The following CCDC188 variants were observed in gnomAD, a reference collection of about 807,000 sequenced individuals.
CCDC188 encodes coiled-coil domain containing 188, also known as coiled-coil domain-containing protein 188.
In CCDC188, 37 loss-of-function variants were observed where a neutral mutation model predicts 50.7. The ratio of observed to expected loss-of-function variants is 0.73; its 90% CI spans 0.56 to 0.96. The LOEUF (loss-of-function observed/expected upper bound fraction) is 0.96, where lower values mean the gene tolerates loss of function less well. Among genes scored for constraint, CCDC188 ranks in the 40% least tolerant of loss-of-function variants. The pLI is 0.00. For missense variants in CCDC188, 453 were observed against 512.9 expected (o/e 0.88, Z 1.13); for synonymous variants, 208 against 228.0 (o/e 0.91, Z 0.79).
At chr22:20,148,958 G>A (rs1219672603) in intron 7 of CCDC188, 34 bp from the exon 8 acceptor site, 6 of 1,460,098 alleles carry the variant, frequency 4.1e-6, no homozygotes, top group African/African-American at 1.4e-5. Context: ...AGCCCACCCC[G>A]AGTGTCCAGG....
chr22:20,149,127 A>T, intron 7 of CCDC188, 60 bp downstream of exon 7: 2 of 1,367,712 alleles, frequency 1.5e-6, no homozygotes, highest in Non-Finnish European at 1.9e-6. Context: ...CCTCTCGCCC[A>T]AGCAGGGCCC....
In CCDC188 at chr22:20,150,528, G is replaced by A. The variant is rs917522402; in HGVS notation, c.459C>T (p.Cys153=). 1.4e-5 allele frequency: 21 copies of A among 1,549,220 alleles called. No homozygotes were observed. The highest frequency in any genetic ancestry group is 4.1e-5 in the African/African-American group (3 of 72,978). Residue 153 remains cysteine, a synonymous_variant, in exon 1 of 9, where the codon TGC becomes TGT. Transcript: ENST00000439765. ...ACTGTTCTGCAGAGCCCAGCAGCCC[G>A]CACTGAAGCTGGGACAGGGCTACCC... The part of the protein sequence containing the change: ...SPRVALSQLQ[C]GLLGSAEQSF...
chr22:20,148,548 G>T lies in CCDC188; in HGVS notation c.*66C>A. 6.9e-7 allele frequency: 1 copy of T among 1,459,688 alleles called. No individual in the cohort carries two copies. Among genetic ancestry groups the T allele is most frequent in the Non-Finnish European group, 9.0e-7 (1 of 1,106,560 alleles). 90.4% of individuals were successfully genotyped at this position (1,459,688 alleles called of 1,614,324 possible). On this transcript the variant is annotated 3_prime_UTR_variant, in exon 9 of 9. Coordinates refer to ENST00000439765, the MANE Select transcript of CCDC188 (RefSeq NM_001365892.2). The stretch of plus-strand genomic sequence containing the variant: ...GGTGCCATGTGCAGGGGGCTGGCAC[G>T]GCCACTGGGCATCCGGGGCAGTGCT...
In CCDC188 at chr22:20,151,016, G is replaced by A. The variant is rs1013995778; in HGVS notation, c.-30C>T. 25 of 1,358,146 alleles carry A rather than the reference G, an allele frequency of 1.8e-5. No homozygotes were observed. In the African/African-American group the frequency reaches 3.7e-4, roughly 20 times the overall value. The allele number at this position is 1,358,146 out of a possible 1,614,324, so 84.1% of individuals were successfully genotyped here. A position where few individuals can be genotyped will look rare whatever the true frequency, so the allele number is the denominator to read the frequency against. The stretch of plus-strand genomic sequence containing the variant: ...CCCTGCAACCCCTTCCTGATCCCAG[G>A]TCCAGGCTCTGGCCTGGCCCAACCT... On this transcript the variant is annotated 5_prime_UTR_variant, in exon 1 of 9. Transcript: ENST00000439765.
chr22:20,148,835 G>A (rs886323681), intron 8 of CCDC188, 35 bp from the exon 9 acceptor site: 16 of 1,459,156 alleles, frequency 1.1e-5, no homozygotes, highest in East Asian at 5.1e-5. Flanking sequence ...AGGGGCGCGC[G>A]GGGGGCCTGG....
At chr22:20,149,139 G>C (rs2050569843) in intron 7 of CCDC188, 48 bp downstream of exon 7, 1 of 1,387,030 alleles carries the variant, frequency 7.2e-7, no homozygotes, top group Non-Finnish European at 9.6e-7. Context: ...GCAGGGCCCT[G>C]GGTGGGGGGC....
rs1602584296 is a variant in CCDC188 at position 20,149,658 on chromosome 22, C to A, written c.790-18G>T. The A allele has an allele frequency of 6.5e-7, 1 of 1,549,482 alleles. No individual in the cohort carries two copies. The highest frequency in any genetic ancestry group is 2.4e-5 in the East Asian group (1 of 40,904). On this transcript the variant is annotated intron_variant, in intron 4 of 8. Coordinates refer to ENST00000439765, the MANE Select transcript of CCDC188 (RefSeq NM_001365892.2). ...TCCCACACCTAGGGGGAGGTGGGGT[C>A]ACGCCTGAGGAGCAGGACCCACTGG...
rs1315250171 is a variant in CCDC188 at position 20,150,855 on chromosome 22, GC to G, written c.131del (p.Gly44AlafsTer103). On this transcript the variant is annotated frameshift_variant, in exon 1 of 9. Transcript: ENST00000439765. LOFTEE classifies it high-confidence loss of function. ...GCACTGAGTGAGCAGAGGAGATGGG[GC>G]CCAGGCAGGGCCACCCTACAAATCC... ...CQGFVGWPCLGPISSAHSVQS... is the reference protein window; with the variant it reads ...CQGFVGWPCLXPISSAHSVQS... The G allele has an allele frequency of 1.3e-6, 2 of 1,518,502 alleles. No homozygotes were observed. The highest frequency in any genetic ancestry group is 1.8e-6 in the Non-Finnish European group (2 of 1,125,030). 94.1% of individuals were successfully genotyped at this position (1,518,502 alleles called of 1,614,324 possible).
rs1307113467 is a variant in CCDC188 at position 20,148,942 on chromosome 22, G to T, written c.973-18C>A. On this transcript the variant is annotated intron_variant, in intron 7 of 8. Transcript: ENST00000439765. Reference sequence around the variant, plus strand: ...CTCCCTTTCTGTCGGGGAGGGGCTGGATCAGAGCCCACCCCGAGTGTCCAG... The same window carrying T: ...CTCCCTTTCTGTCGGGGAGGGGCTGTATCAGAGCCCACCCCGAGTGTCCAG... 1 of 1,483,000 alleles carries T rather than the reference G, an allele frequency of 6.7e-7. No individual in the cohort carries two copies. Among genetic ancestry groups the T allele is most frequent in the Non-Finnish European group, 9.0e-7 (1 of 1,115,464 alleles). 91.9% of individuals were successfully genotyped at this position (1,483,000 alleles called of 1,614,324 possible).
chr22:20,150,525 C>T lies in CCDC188; in HGVS notation c.462G>A (p.Gly154=). 4 of 1,549,360 alleles carry T rather than the reference C, an allele frequency of 2.6e-6. No individual in the cohort carries two copies. The highest frequency in any genetic ancestry group is 3.5e-6 in the Non-Finnish European group (4 of 1,146,622). The change falls in exon 1 of 9, where the codon GGG becomes GGA. Residue 154 remains glycine, a synonymous_variant. Coordinates refer to ENST00000439765, the MANE Select transcript of CCDC188 (RefSeq NM_001365892.2). ...AGGACTGTTCTGCAGAGCCCAGCAG[C>T]CCGCACTGAAGCTGGGACAGGGCTA... is the stretch of plus-strand genomic sequence containing the variant. ...PRVALSQLQC[G]LLGSAEQSFL... is the part of the protein sequence containing the mutation.
intron 1 of CCDC188, 48 bp downstream of exon 1, chr22:20,150,420 G>T: frequency 8.3e-7 from 1 of 1,200,946 alleles, no homozygotes; most frequent in Non-Finnish European, 1.1e-6. Flanking sequence ...GGTACCAGGC[G>T]GTGGGTGGGG....
intron 6 of CCDC188, 49 bp downstream of exon 6, chr22:20,149,363 C>T (rs1367126234): frequency 2.6e-6 from 4 of 1,548,946 alleles, no homozygotes; most frequent in Non-Finnish European, 3.5e-6. Flanking sequence ...CTGACCAGGA[C>T]ACCTTCTGAG....
rs921951229 is a variant in CCDC188 at position 20,150,876 on chromosome 22, A to C, written c.111T>G (p.Phe37Leu). 2.2e-5 allele frequency: 33 copies of C among 1,497,914 alleles called. No homozygotes were observed. The highest frequency in any genetic ancestry group is 3.0e-5 in the Non-Finnish European group (33 of 1,114,100). The allele number at this position is 1,497,914 out of a possible 1,614,324, so 92.8% of individuals were successfully genotyped here. The change falls in exon 1 of 9, where the codon TTT (phenylalanine) becomes TTG (leucine). Residue 37 changes from phenylalanine (F) to leucine (L), a missense_variant. Phe to Leu is a conservative substitution (Grantham distance 22). Transcript: ENST00000439765. ...GGGLDQPCQGFVGWPCLGPIS... is the reference protein window; with the variant it reads ...GGGLDQPCQGLVGWPCLGPIS... ...TGGGGCCCAGGCAGGGCCACCCTAC[A>C]AATCCCTGGCAGGGCTGGTCCAGGC...
Position 20,149,605 on chromosome 22 carries a change from C to G in CCDC188, c.825G>C (p.Leu275=), listed in dbSNP as rs2050582739. Residue 275 remains leucine (L), a synonymous_variant, in exon 5 of 9, where the codon CTG becomes CTC. Coordinates refer to ENST00000439765, the MANE Select transcript of CCDC188 (RefSeq NM_001365892.2). ...WDNVAEMHMA[L]NNQATGLLNL... The stretch of plus-strand genomic sequence containing the variant: ...CCAGGAGCCCGGTGGCCTGGTTGTT[C>G]AGGGCCATGTGCATCTCAGCCACGT... 5.2e-6 allele frequency: 8 copies of G among 1,550,202 alleles called. No homozygotes were observed. Among genetic ancestry groups the G allele is most frequent in the Non-Finnish European group, 6.1e-6 (7 of 1,146,904 alleles).
chr22:20,148,738 A>G lies in CCDC188; in HGVS notation c.1085T>C (p.Val362Ala). The G allele has an allele frequency of 6.6e-7, 1 of 1,514,068 alleles. No individual in the cohort carries two copies. Among genetic ancestry groups the G allele is most frequent in the South Asian group, 1.2e-5 (1 of 80,022 alleles). The allele number at this position is 1,514,068 out of a possible 1,614,324, so 93.8% of individuals were successfully genotyped here. A position where few individuals can be genotyped will look rare whatever the true frequency, so the allele number is the denominator to read the frequency against. The stretch of plus-strand genomic sequence containing the variant: ...CCCCTCGAAAGGTGTGGGGTTCACC[A>G]CGTACACGTAGGCAGCGGTCCAGAC... ...LLVWTAAYVY[V>A]VNPTPFEGLV... Residue 362 changes from valine to alanine, a missense_variant, in exon 9 of 9, where the codon GTG (valine) becomes GCG (alanine). By Grantham distance (64) the Val-to-Ala change is moderately conservative. Coordinates refer to ENST00000439765, the MANE Select transcript of CCDC188 (RefSeq NM_001365892.2).
Position 20,150,629 on chromosome 22 carries a change from C to T in CCDC188, c.358G>A (p.Gly120Arg), listed in dbSNP as rs2050609783. ...GSNQGAPRQGGSIGSGTRPCP... is the reference protein window; with the variant it reads ...GSNQGAPRQGRSIGSGTRPCP... ...GGTCTGGTCCCTGAGCCAATGGATC[C>T]CCCCTGCCTGGGAGCCCCCTGGTTC... The change falls in exon 1 of 9, where the codon GGA becomes AGA. Residue 120 changes from glycine to arginine, a missense_variant. Transcript: ENST00000439765. 1.9e-6 allele frequency: 3 copies of T among 1,542,862 alleles called. No homozygotes were observed. Among genetic ancestry groups the T allele is most frequent in the Non-Finnish European group, 1.8e-6 (2 of 1,141,526 alleles).
In CCDC188 at chr22:20,148,760, AGACCAGCAGGGC is replaced by A. The variant is rs1468207286; in HGVS notation, c.1051_1062del (p.Ala351_Val354del). 4.7e-6 allele frequency: 7 copies of A among 1,485,064 alleles called. No homozygotes were observed. In the Admixed American group the frequency reaches 9.4e-5, roughly 20 times the overall value. 92.0% of individuals were successfully genotyped at this position (1,485,064 alleles called of 1,614,324 possible). ...ACCACGTACACGTAGGCAGCGGTCC[AGACCAGCAGGGC>A]GCCCAGCAGCAGCCTCAGGGTCAGC... is the stretch of plus-strand genomic sequence containing the variant. On this transcript the variant is annotated inframe_deletion, in exon 9 of 9. Coordinates refer to ENST00000439765, the MANE Select transcript of CCDC188 (RefSeq NM_001365892.2).
At position 20,148,620 on chromosome 22, in the gene CCDC188, G is replaced by C. The variant is rs1406488134; in HGVS notation, c.1203C>G (p.Pro401=). 2 of 1,543,438 alleles carry C rather than the reference G, an allele frequency of 1.3e-6. No homozygotes were observed. The highest frequency in any genetic ancestry group is 2.8e-5 in the African/African-American group (2 of 72,578). ...GGGCCGCTGGGCCTCTGGCCTAGAAGGGCAGGAAGCCGTCCACTTTGAGGC... is the reference window on the plus strand; with the variant it reads ...GGGCCGCTGGGCCTCTGGCCTAGAACGGCAGGAAGCCGTCCACTTTGAGGC... ...FLRLKVDGFL[P]F Residue 401 remains proline, a synonymous_variant, in exon 9 of 9, where the codon CCC becomes CCG. Coordinates refer to ENST00000439765, the MANE Select transcript of CCDC188 (RefSeq NM_001365892.2).
chr22:20,150,214 C>G lies in CCDC188; in HGVS notation c.556G>C (p.Ala186Pro). 6.5e-7 allele frequency: 1 copy of G among 1,548,540 alleles called. No homozygotes were observed. The highest frequency in any genetic ancestry group is 1.2e-5 in the South Asian group (1 of 83,942). Reference sequence around the variant, plus strand: ...AACTGCTGCCCCGGCCCCAGGAGGGCCCCCAGCTGCTCCCGAAGTTCCTGA... The same window carrying G: ...AACTGCTGCCCCGGCCCCAGGAGGGGCCCCAGCTGCTCCCGAAGTTCCTGA... ...QNQELREQLG[A>P]LLGPGQQFLP... is the part of the protein sequence containing the mutation. Residue 186 changes from alanine (A) to proline (P), a missense_variant, in exon 2 of 9, where the codon GCC (alanine) becomes CCC (proline). Ala to Pro is a conservative substitution (Grantham distance 27). Transcript: ENST00000439765.
Sources: gnomAD v4.1 joint callset for allele counts on GRCh38, gnomAD v4.1.1 for gene constraint, MANE v1.5 for transcripts, NCBI Gene and HGNC (gene_info 2026-07-23, HGNC 2026-07-21) for gene names.